MAGI2: variants seen among roughly 807,000 people sequenced by gnomAD.
MAGI2 encodes membrane-associated guanylate kinase, WW and PDZ domain-containing protein 2.
A neutral mutation model predicts 133.3 loss-of-function variants in MAGI2; 35 were observed. That is an observed-to-expected ratio of 0.26 (90% confidence interval 0.20 to 0.35). The LOEUF is 0.35. MAGI2 is among the 10% of genes least tolerant of loss of function. The probability of loss-of-function intolerance (pLI) is 1.00; values close to 1 mark genes in which losing one functional copy is unlikely to be tolerated. For synonymous variants in MAGI2, 729 were observed against 710.6 expected, an observed-to-expected ratio of 1.03 and a Z score of -0.41; for missense variants, 1,636 against 1,863.4, an observed-to-expected ratio of 0.88 and a Z score of 2.25.
chr7:79,158,833 T>G (rs1316691479), intron 1 of MAGI2, among the ~76,000 whole-genome samples: 2 of 152,100 alleles, frequency 1.3e-5, no homozygotes, highest in Non-Finnish European at 2.9e-5. Context: ...ACAAATGTCA[T>G]AATTTAGAAT....
At chr7:78,293,958 C>A (rs1220322436) in intron 9 of MAGI2, among the ~76,000 whole-genome samples, 2 of 151,958 alleles carry the variant, frequency 1.3e-5, no homozygotes, top group Non-Finnish European at 2.9e-5. Flanking sequence ...GGGATAGCAT[C>A]AGGAGATACA....
At chr7:79,326,231 A>T (rs1467459923) in intron 1 of MAGI2, among the ~76,000 whole-genome samples, 1 of 152,122 alleles carries the variant, frequency 6.6e-6, no homozygotes, top group African/African-American at 2.4e-5. Context: ...CTTAATTATT[A>T]AAGCACGGCT....
intron 1 of MAGI2, among the ~76,000 whole-genome samples, chr7:79,288,728 A>G (rs1836228753): frequency 6.6e-6 from 1 of 152,112 alleles, no homozygotes; most frequent in Admixed American, 6.6e-5. Context: ...AATACGACCA[A>G]AGATAGAAAA....
chr7:79,409,113 T>C (rs531362478), intron 1 of MAGI2, among the ~76,000 whole-genome samples: 1 of 152,166 alleles, frequency 6.6e-6, no homozygotes, highest in East Asian at 1.9e-4. Flanking sequence ...TTTTCACAGA[T>C]ACCTGAGGGG....
intron 7 of MAGI2, chr7:78,350,052 G>A (rs1791341165): frequency 6.6e-6 from 1 of 152,288 alleles, no homozygotes; most frequent in East Asian, 1.9e-4. Context: ...AGAATCTTGA[G>A]CTATTAAAAG....
rs1585942734 is a variant in MAGI2, at chr7:79,427,540, T to G, written c.301+25480A>C. On this transcript the variant is annotated intron_variant, in intron 1 of 21. Transcript: ENST00000354212. ...ATATGAGAAGGAGATGGCATTAGAGTCCAGCAGAATTTTCAGCAGGCAAAA... is the reference window on the plus strand; with the variant it reads ...ATATGAGAAGGAGATGGCATTAGAGGCCAGCAGAATTTTCAGCAGGCAAAA... 4.6e-5 allele frequency among the ~76,000 whole-genome samples: 7 copies of G among 151,786 alleles called. No individual in the cohort carries two copies. The South Asian group carries it at 1.5e-3, about 32-fold the overall frequency.
chr7:79,366,449 CT>C (rs951097827), intron 1 of MAGI2, among the ~76,000 whole-genome samples: 8 of 152,088 alleles, frequency 5.3e-5, no homozygotes, highest in Admixed American at 5.2e-4. Context: ...AGAAGAGATC[CT>C]TGTGGGGTTG....
At chr7:78,662,397 T>A (rs1468030475) in intron 2 of MAGI2, among the ~76,000 whole-genome samples, 1 of 152,164 alleles carries the variant, frequency 6.6e-6, no homozygotes, top group Non-Finnish European at 1.5e-5. Context: ...AATACTTTAG[T>A]TACCAACAAT....
intron 2 of MAGI2, among the ~76,000 whole-genome samples, chr7:78,699,964 G>C (rs185281778): frequency 6.6e-6 from 1 of 152,028 alleles, no homozygotes; most frequent in African/African-American, 2.4e-5. Flanking sequence ...TAAAAACCAT[G>C]AATTTCTCTC....
intron 2 of MAGI2, among the ~76,000 whole-genome samples, chr7:78,635,477 T>C (rs1809526898): frequency 6.6e-6 from 1 of 152,228 alleles, no homozygotes; most frequent in Non-Finnish European, 1.5e-5. Flanking sequence ...TATTAAAAAT[T>C]CCATAGTGCT....
chr7:78,300,398 T>C (rs1297874978), intron 9 of MAGI2, among the ~76,000 whole-genome samples: 1 of 152,174 alleles, frequency 6.6e-6, no homozygotes, highest in African/African-American at 2.4e-5. Context: ...AAGACAATCA[T>C]GACTGAAATA....
At chr7:78,255,476 T>C (rs1258206452) in intron 10 of MAGI2, 4 of 261,880 alleles carry the variant, frequency 1.5e-5, no homozygotes, top group Non-Finnish European at 2.9e-5. Context: ...TCCTTCTGAG[T>C]ATTGTCAAGA....
At chr7:78,867,441 CA>C (rs1358385728) in intron 2 of MAGI2, among the ~76,000 whole-genome samples, 3 of 150,032 alleles carry the variant, frequency 2.0e-5, no homozygotes, top group Non-Finnish European at 3.0e-5. Context: ...ATTGCAAGAA[CA>C]AAAAAACCAA....
chr7:79,118,337 G>A (rs1255180239), intron 1 of MAGI2, among the ~76,000 whole-genome samples: 1 of 152,164 alleles, frequency 6.6e-6, no homozygotes, highest in East Asian at 1.9e-4. Flanking sequence ...TAGTACAAGA[G>A]GAGGAAGGAA....
chr7:79,368,211 C>T (rs574457552), intron 1 of MAGI2, among the ~76,000 whole-genome samples: 48 of 152,032 alleles, frequency 3.2e-4, no homozygotes, highest in Non-Finnish European at 6.2e-4. Context: ...TCTAGGAAAA[C>T]ATGAGGAATA....
intron 18 of MAGI2, 142 bp downstream of exon 18, chr7:78,132,747 C>T: frequency 2.4e-6 from 3 of 1,241,792 alleles, no homozygotes; most frequent in Admixed American, 4.1e-5. Context: ...CACACACAAC[C>T]TCGAAATCAC....
At chr7:79,039,171 T>A (rs1279774063) in intron 1 of MAGI2, among the ~76,000 whole-genome samples, 1 of 152,010 alleles carries the variant, frequency 6.6e-6, no homozygotes, top group Admixed American at 6.6e-5. Flanking sequence ...TTTTATGAGA[T>A]CTGATGGTTT....
At chr7:78,369,063 A>G in intron 7 of MAGI2, 93 bp downstream of exon 7, 1 of 801,900 alleles carries the variant, frequency 1.2e-6, no homozygotes, top group Non-Finnish European at 2.0e-6. Context: ...AGGGAAATGA[A>G]GGGGCTGTGA....
chr7:78,064,963 T>G (rs1171951765), intron 21 of MAGI2, among the ~76,000 whole-genome samples: 4 of 152,194 alleles, frequency 2.6e-5, no homozygotes, highest in Non-Finnish European at 4.4e-5. Context: ...ACTAACTCGA[T>G]GTAAAGTTAT....
Sources: allele counts gnomAD v4.1 joint callset (sites outside exome capture counted in the v4.1 genomes callset), GRCh38; gene constraint gnomAD v4.1.1; transcripts MANE v1.5; gene names NCBI Gene and HGNC (gene_info 2026-07-23, HGNC 2026-07-21).